The following TLR5 variants were observed in gnomAD, a reference collection of about 807,000 sequenced individuals.
TLR5 encodes toll like receptor 5, also known as toll-like receptor 5.
For synonymous variants in TLR5, 373 were observed against 384.4 expected (o/e 0.97, Z 0.35); for missense variants, 944 against 999.8 (o/e 0.94, Z 0.75).
Position 223,112,241 on chromosome 1 carries a change from A to T in TLR5, c.791T>A (p.Ile264Asn). 6.2e-7 allele frequency: 1 copy of T among 1,614,202 alleles called. No individual in the cohort carries two copies. Among genetic ancestry groups the T allele is most frequent in the Non-Finnish European group, 8.5e-7 (1 of 1,180,040 alleles). The change falls in exon 6 of 6, where the codon ATC (isoleucine) becomes AAC (asparagine). Residue 264 changes from isoleucine (I) to asparagine (N), a missense_variant. Coordinates refer to ENST00000642603, the MANE Select transcript of TLR5 (RefSeq NM_003268.6). ...QAFSLILAHH[I>N]MGAGFGFHNI... The stretch of plus-strand genomic sequence containing the variant: ...ATGGAAGCCAAACCCGGCACCCATG[A>T]TGTGGTGGGCAAGAATCAAAGAGAA...
chr1:223,118,537 A>T (rs948955213), intron 5 of TLR5, among the ~76,000 whole-genome samples: 1 of 148,894 alleles, frequency 6.7e-6, no homozygotes, highest in East Asian at 2.0e-4. Context: ...ACAGAGCAAG[A>T]CTCCATCTCA....
chr1:223,122,187 C>T (rs959908991), intron 5 of TLR5, among the ~76,000 whole-genome samples: 33 of 152,184 alleles, frequency 2.2e-4, no homozygotes, highest in Admixed American at 1.3e-3. Flanking sequence ...TTAGCATTGA[C>T]ACCCCACAGT....
chr1:223,138,798 C>T (rs894552238), intron 2 of TLR5, among the ~76,000 whole-genome samples: 2 of 152,190 alleles, frequency 1.3e-5, no homozygotes, highest in African/African-American at 4.8e-5. Context: ...TTGTCCCTTA[C>T]TCTTTGATAT....
At chr1:223,116,199 G>A (rs1015257529) in intron 5 of TLR5, among the ~76,000 whole-genome samples, 2 of 152,178 alleles carry the variant, frequency 1.3e-5, no homozygotes, top group Non-Finnish European at 2.9e-5. Flanking sequence ...TGGTCTCACT[G>A]ACTTCAAGAG....
intron 5 of TLR5, chr1:223,127,437 G>A (rs942324227): frequency 3.9e-5 from 6 of 152,162 alleles, no homozygotes; most frequent in African/African-American, 1.4e-4. Flanking sequence ...GTTTAGCCTT[G>A]GATAAAGGCT....
intron 5 of TLR5, among the ~76,000 whole-genome samples, chr1:223,116,571 C>T (rs1656661909): frequency 6.6e-6 from 1 of 152,170 alleles, no homozygotes; most frequent in African/African-American, 2.4e-5. Context: ...AAGAACAAAC[C>T]TTCCACGGTG....
rs1656300515 is a variant in TLR5 at position 223,111,061 on chromosome 1, G to T, written c.1971C>A (p.Ile657=). Residue 657 remains isoleucine (I), a synonymous_variant, in exon 6 of 6, where the codon ATC becomes ATA. Coordinates refer to ENST00000642603, the MANE Select transcript of TLR5 (RefSeq NM_003268.6). ...TVTLTLFLMT[I]LTVTKFRGFC... ...AGCCCCGGAACTTTGTGACTGTGAG[G>T]ATGGTCATGAGGAACAGAGTCAGAG... 6.2e-7 allele frequency: 1 copy of T among 1,614,196 alleles called. No homozygotes were observed. The highest frequency in any genetic ancestry group is 1.1e-5 in the South Asian group (1 of 91,074).
chr1:223,113,008 G>A lies in TLR5; in HGVS notation c.24C>T (p.Leu8=), dbSNP rs1656448071. MGDHLDL[L]LGVVLMAGPV... is the part of the protein sequence containing the mutation. ...GACCGGCCATGAGCACCACTCCTAGGAGAAGGTCCAGGTGGTCTCCCATGA... is the reference window on the plus strand; with the variant it reads ...GACCGGCCATGAGCACCACTCCTAGAAGAAGGTCCAGGTGGTCTCCCATGA... The change falls in exon 6 of 6, where the codon CTC becomes CTT. Residue 8 remains leucine, a synonymous_variant. Transcript: ENST00000642603. The A allele has an allele frequency of 1.9e-6, 3 of 1,613,738 alleles. No homozygotes were observed. Among genetic ancestry groups the A allele is most frequent in the Non-Finnish European group, 2.5e-6 (3 of 1,179,984 alleles).
At chr1:223,119,396 A>G (rs557408191) in intron 5 of TLR5, among the ~76,000 whole-genome samples, 1 of 152,174 alleles carries the variant, frequency 6.6e-6, no homozygotes, top group Non-Finnish European at 1.5e-5. Context: ...TCTAGGAAAG[A>G]CTACCTTGTT....
rs1657379296 is a variant in TLR5 at position 223,131,086 on chromosome 1, T to C, written c.-5+1389A>G. 6.6e-6 allele frequency among the ~76,000 whole-genome samples: 1 copy of C among 152,108 alleles called. No homozygotes were observed. Among genetic ancestry groups the C allele is most frequent in the Non-Finnish European group, 1.5e-5 (1 of 67,996 alleles). ...GAGACACCACCTTGCTAGTCTCCCA[T>C]AGTAAGCCTGACCCTGACACACACA... On this transcript the variant is annotated intron_variant, in intron 5 of 5. Coordinates refer to ENST00000642603, the MANE Select transcript of TLR5 (RefSeq NM_003268.6). This position sits in a 1 kb window ranked among gnomAD's most constrained non-coding sequence, Gnocchi z 4.2.
chr1:223,124,502 A>G (rs1657088646), intron 5 of TLR5, among the ~76,000 whole-genome samples: 1 of 152,168 alleles, frequency 6.6e-6, no homozygotes, highest in Admixed American at 6.5e-5. Flanking sequence ...AAGGTAGCAC[A>G]GTTTTAGCCA....
Position 223,111,175 on chromosome 1 carries a change from A to C in TLR5, c.1857T>G (p.Val619=). 1 of 1,614,238 alleles carries C rather than the reference A, an allele frequency of 6.2e-7. No individual in the cohort carries two copies. Among genetic ancestry groups the C allele is most frequent in the African/African-American group, 1.3e-5 (1 of 75,068 alleles). ...YCVYPDSFSG[V]SLFSLSTEGC... is the part of the protein sequence containing the mutation. ...CTTCCGTGGAAAGAGAGAAGAGGGA[A>C]ACCCCAGAGAACGAGTCAGGGTACA... Residue 619 remains valine (V), a synonymous_variant, in exon 6 of 6, where the codon GTT becomes GTG. Coordinates refer to ENST00000642603, the MANE Select transcript of TLR5 (RefSeq NM_003268.6).
intron 4 of TLR5, among the ~76,000 whole-genome samples, chr1:223,133,999 G>A (rs978264559): frequency 6.6e-6 from 1 of 152,210 alleles, no homozygotes; most frequent in Non-Finnish European, 1.5e-5. Context: ...ACATTTCAAT[G>A]ACAACTAAAT....
Position 223,111,485 on chromosome 1 carries a change from G to T in TLR5, c.1547C>A (p.Ser516Tyr). 1 of 1,614,110 alleles carries T rather than the reference G, an allele frequency of 6.2e-7. No individual in the cohort carries two copies. The highest frequency in any genetic ancestry group is 8.5e-7 in the Non-Finnish European group (1 of 1,180,018). The change falls in exon 6 of 6, where the codon TCC (serine) becomes TAC (tyrosine). Residue 516 changes from serine (S) to tyrosine (Y), a missense_variant. Coordinates refer to ENST00000642603, the MANE Select transcript of TLR5 (RefSeq NM_003268.6). ...VLYLNHNYLNSLPPGVFSHLT... is the reference protein window; with the variant it reads ...VLYLNHNYLNYLPPGVFSHLT... ...ATGGCTAAATACTCCTGGTGGAAGG[G>T]AATTAAGATAGTTATGATTCAAATA...
chr1:223,129,928 T>G (rs1318193082), intron 5 of TLR5, among the ~76,000 whole-genome samples: 1 of 152,210 alleles, frequency 6.6e-6, no homozygotes, highest in East Asian at 1.9e-4. Context: ...GTGGTCTCAT[T>G]AGGGTCTGTT....
Position 223,111,302 on chromosome 1 carries a change from G to A in TLR5, c.1730C>T (p.Thr577Ile), listed in dbSNP as rs748534319. 6.2e-7 allele frequency: 1 copy of A among 1,614,104 alleles called. No homozygotes were observed. The highest frequency in any genetic ancestry group is 1.7e-5 in the Admixed American group (1 of 59,996). ...VFVSLSVLDI[T>I]HNKFICECEL... ...ACATTCACAAATGAACTTGTTATGA[G>A]TTATATCCAAGACACTAAGTGATAC... The change falls in exon 6 of 6, where the codon ACT (threonine) becomes ATT (isoleucine). Residue 577 changes from threonine to isoleucine, a missense_variant. Physicochemically the swap from Thr to Ile is moderately conservative, Grantham distance 89. Transcript: ENST00000642603.
intron 5 of TLR5, among the ~76,000 whole-genome samples, chr1:223,120,943 C>T (rs1441258973): frequency 1.3e-5 from 2 of 152,106 alleles, no homozygotes; most frequent in Non-Finnish European, 2.9e-5. Flanking sequence ...ATTGGCTGGG[C>T]ATGGTGGTGC....
chr1:223,119,404 G>C (rs1479852461), intron 5 of TLR5, among the ~76,000 whole-genome samples: 1 of 152,044 alleles, frequency 6.6e-6, no homozygotes. Context: ...AGACTACCTT[G>C]TTTAGTTTGG....
In TLR5 at chr1:223,141,720, C is replaced by A. The variant is rs1657847109; in HGVS notation, c.-511G>T. 6.8e-6 allele frequency: 1 copy of A among 147,698 alleles called. No homozygotes were observed. The highest frequency in any genetic ancestry group is 6.9e-5 in the Admixed American group (1 of 14,588). 9.1% of individuals were successfully genotyped at this position (147,698 alleles called of 1,614,324 possible). ...CCCTGGAGGCAGTGGTTGCAGTCAG[C>A]CGAGATTGTGTCACTGCAGTCCAGC... On this transcript the variant is annotated 5_prime_UTR_variant, in exon 2 of 6. Transcript: ENST00000642603.
Sources: allele counts gnomAD v4.1 joint callset (sites outside exome capture counted in the v4.1 genomes callset), GRCh38; gene constraint gnomAD v4.1.1; non-coding constraint Gnocchi (gnomAD v3.1); transcripts MANE v1.5; gene names NCBI Gene and HGNC (gene_info 2026-07-23, HGNC 2026-07-21).